The following MYO10 variants were observed in gnomAD, a reference collection of about 807,000 sequenced individuals.
MYO10 encodes the protein unconventional myosin-X.
In MYO10, 133 loss-of-function variants were observed where a neutral mutation model predicts 257.3. The observed-to-expected ratio is 0.52, with a 90% CI of 0.45 to 0.60. MYO10 has a LOEUF of 0.60. Ranked by LOEUF, MYO10 falls within the 20% of genes least tolerant of loss-of-function variation. The pLI is 0.00. For synonymous variants in MYO10, 1,104 were observed against 1,028.6 expected (o/e 1.07, Z -1.40); for missense variants, 2,399 against 2,635.7 (o/e 0.91, Z 1.97).
chr5:16,682,662 G>A (rs1019862019), intron 30 of MYO10, among the ~76,000 whole-genome samples: 1 of 152,138 alleles, frequency 6.6e-6, no homozygotes, highest in Non-Finnish European at 1.5e-5. Flanking sequence ...GCTAGAGAAT[G>A]TGAACTCTTT....
At chr5:16,868,562 G>C (rs1027688726) in intron 2 of MYO10, among the ~76,000 whole-genome samples, 2 of 151,708 alleles carry the variant, frequency 1.3e-5, no homozygotes, top group African/African-American at 4.8e-5. Context: ...CCAAGATCGC[G>C]CCACTGCACT....
intron 1 of MYO10, among the ~76,000 whole-genome samples, chr5:16,928,883 T>G (rs1007298846): frequency 1.3e-5 from 2 of 151,242 alleles, no homozygotes; most frequent in Admixed American, 6.6e-5. Context: ...CACACACATT[T>G]TTAGAAGGAA....
Position 16,779,693 on chromosome 5 carries a change from A to G in MYO10, c.827-45T>C, listed in dbSNP as rs540551851. The G allele has an allele frequency of 4.1e-4, 484 of 1,181,182 alleles. 5 individuals carry two copies. In the South Asian group the frequency reaches 6.5e-3, roughly 16 times the overall value. The allele number at this position is 1,181,182 out of a possible 1,614,324, so 73.2% of individuals were successfully genotyped here. ...TGATGTCACAGTTCTCCAGGACAAG[A>G]TGAAATTCAGAGTTTTCACTCTGAC... On this transcript the variant is annotated intron_variant, in intron 8 of 40. Transcript: ENST00000513610.
intron 3 of MYO10, among the ~76,000 whole-genome samples, chr5:16,799,028 T>C (rs1742045159): frequency 6.6e-6 from 1 of 152,242 alleles, no homozygotes; most frequent in African/African-American, 2.4e-5. Context: ...GCCCCATTCA[T>C]GACACGTTTG....
intron 12 of MYO10, among the ~76,000 whole-genome samples, 169 bp downstream of exon 12, chr5:16,764,081 A>C (rs1343673768): frequency 1.3e-5 from 2 of 151,842 alleles, no homozygotes; most frequent in African/African-American, 2.4e-5. Context: ...CAGGATGTGG[A>C]AGTTGCAGTG....
At chr5:16,877,947 T>C (rs1174956458) in intron 1 of MYO10, among the ~76,000 whole-genome samples, 1 of 152,192 alleles carries the variant, frequency 6.6e-6, no homozygotes, top group Non-Finnish European at 1.5e-5. Context: ...AAATAGTAGC[T>C]AGCCCCTGTG....
Position 16,936,105 on chromosome 5 carries a change from A to C in MYO10, c.-297T>G. On this transcript the variant is annotated 5_prime_UTR_variant, in exon 1 of 41. Transcript: ENST00000513610. ...ACAGCTGGTGGCACATTCTTCCCCC[A>C]GGCGGGGGAAGGCGGCGGGGTGCTG... 9.9e-6 allele frequency: 4 copies of C among 402,038 alleles called. No homozygotes were observed. The highest frequency in any genetic ancestry group is 9.0e-6 in the Non-Finnish European group (2 of 222,534). The allele number at this position is 402,038 out of a possible 1,614,324, so 24.9% of individuals were successfully genotyped here.
At chr5:16,671,122 G>T in intron 38 of MYO10, 144 bp from the exon 39 acceptor site, 1 of 814,976 alleles carries the variant, frequency 1.2e-6, no homozygotes, top group Non-Finnish European at 1.9e-6. Flanking sequence ...CCTCACCCCT[G>T]GCTCACTGCT....
chr5:16,842,454 C>T (rs1394329568), intron 2 of MYO10, among the ~76,000 whole-genome samples: 1 of 152,162 alleles, frequency 6.6e-6, no homozygotes, highest in African/African-American at 2.4e-5. Flanking sequence ...AAGTCATATC[C>T]TCACCAGCCC....
intron 19 of MYO10, among the ~76,000 whole-genome samples, chr5:16,722,331 T>A (rs1295844868): frequency 1.3e-5 from 2 of 152,234 alleles, no homozygotes; most frequent in East Asian, 1.9e-4. Flanking sequence ...TCTATGAATG[T>A]CTGAGTTCAC....
At chr5:16,821,982 C>CA (rs35589852) in intron 2 of MYO10, among the ~76,000 whole-genome samples, 123,978 of 144,542 alleles carry the variant, frequency 0.86, 54,003 homozygotes, top group South Asian at 0.95. Context: ...ATGTGTATTT[C>CA]AAAAAAAAAA....
intron 19 of MYO10, among the ~76,000 whole-genome samples, chr5:16,737,464 G>GA (rs1739850063): frequency 6.6e-6 from 1 of 152,110 alleles, no homozygotes; most frequent in African/African-American, 2.4e-5. Flanking sequence ...ACTAAAAAGG[G>GA]AAACAAAATA....
At chr5:16,905,342 C>T (rs945794223) in intron 1 of MYO10, among the ~76,000 whole-genome samples, 35 of 152,258 alleles carry the variant, frequency 2.3e-4, no homozygotes, top group African/African-American at 7.2e-4. Flanking sequence ...TCTCCCTCAC[C>T]GACCTTGAGC....
rs55980169 is a variant in MYO10, at chr5:16,703,880, C to CA, written c.2276+698dup. 6.7e-3 allele frequency among the ~76,000 whole-genome samples: 512 copies of CA among 76,984 alleles called. 18 individuals are homozygous for CA. Among genetic ancestry groups the CA allele is most frequent in the Non-Finnish European group, 9.5e-3 (372 of 39,294 alleles). 50.5% of individuals were successfully genotyped at this position (76,984 alleles called of 152,430 possible). A position where few individuals can be genotyped will look rare whatever the true frequency, so the allele number is the denominator to read the frequency against. On this transcript the variant is annotated intron_variant, in intron 22 of 40. Transcript: ENST00000513610. ...CAGACGAGCGAGCGAGACTCTGTCT[C>CA]AAAAAAAAAAAAAAAAAAAAAAAAA...
At chr5:16,684,146 A>T (rs1737135226) in intron 29 of MYO10, among the ~76,000 whole-genome samples, 1 of 152,236 alleles carries the variant, frequency 6.6e-6, no homozygotes, top group African/African-American at 2.4e-5. Context: ...TTTATTTTTT[A>T]AAATTACAAG....
intron 19 of MYO10, among the ~76,000 whole-genome samples, chr5:16,719,985 C>CGTGT (rs1211912430): frequency 1.7e-4 from 14 of 83,866 alleles, no homozygotes; most frequent in Admixed American, 6.8e-4. Context: ...AATGTGTGTG[C>CGTGT]GTGCGTGTGT....
At chr5:16,726,816 G>C (rs181608066) in intron 19 of MYO10, among the ~76,000 whole-genome samples, 1 of 152,166 alleles carries the variant, frequency 6.6e-6, no homozygotes, top group African/African-American at 2.4e-5. Flanking sequence ...GTTAGAGTGA[G>C]GGCTTGTAAA....
intron 27 of MYO10, among the ~76,000 whole-genome samples, chr5:16,691,564 T>C (rs1313833230): frequency 2.0e-5 from 3 of 151,680 alleles, no homozygotes. Flanking sequence ...CCAAGCTTGG[T>C]AGTGCACACC....
At position 16,665,417 on chromosome 5, in the gene MYO10, A is replaced by T; in HGVS notation, c.*1275T>A. 1 of 152,214 alleles carries T rather than the reference A, an allele frequency of 6.6e-6. No individual in the cohort carries two copies. The highest frequency in any genetic ancestry group is 1.9e-4 in the East Asian group (1 of 5,202). The allele number at this position is 152,214 out of a possible 1,614,324, so 9.4% of individuals were successfully genotyped here. Reference sequence around the variant, plus strand: ...TCGTGTGGGTAGACTTAGTTGGCCCAAGTCCTTAAAACTTTTCCATATAAA... The same window carrying T: ...TCGTGTGGGTAGACTTAGTTGGCCCTAGTCCTTAAAACTTTTCCATATAAA... On this transcript the variant is annotated 3_prime_UTR_variant, in exon 41 of 41. Coordinates refer to ENST00000513610, the MANE Select transcript of MYO10 (RefSeq NM_012334.3).
Sources: allele counts gnomAD v4.1 joint callset (sites outside exome capture counted in the v4.1 genomes callset), GRCh38; gene constraint gnomAD v4.1.1; transcripts MANE v1.5; gene names NCBI Gene and HGNC (gene_info 2026-07-23, HGNC 2026-07-21).